Variants in DTNA observed in about 807,000 individuals in gnomAD.
DTNA encodes the protein dystrobrevin alpha.
In DTNA, 43 loss-of-function variants were observed where a neutral mutation model predicts 100.7. That is an observed-to-expected ratio of 0.43 (90% CI 0.33 to 0.55). The LOEUF is 0.55. DTNA is among the 20% of genes least tolerant of loss of function. The pLI is 0.04. For missense variants in DTNA, 798 were observed against 953.9 expected (o/e 0.84, Z 2.15); for synonymous variants, 349 against 347.9 (o/e 1.00, Z -0.04).
intron 1 of DTNA, among the ~76,000 whole-genome samples, chr18:34,642,808 C>T (rs564791269): frequency 3.9e-5 from 6 of 152,226 alleles, no homozygotes; most frequent in South Asian, 2.1e-4. Context: ...CTGTCCACCT[C>T]GACCTCCCAA....
intron 1 of DTNA, among the ~76,000 whole-genome samples, chr18:34,611,187 C>G (rs184793547): frequency 4.1e-4 from 62 of 152,212 alleles, no homozygotes; most frequent in Middle Eastern, 6.8e-3. Flanking sequence ...AAAAAATTCT[C>G]TTGGATCTTA....
At chr18:34,879,777 A>C in intron 20 of DTNA, 58 bp downstream of exon 20, 1 of 1,602,650 alleles carries the variant, frequency 6.2e-7, no homozygotes, top group South Asian at 1.1e-5. Flanking sequence ...GTAGGAGACA[A>C]TAAGAAAGTA....
chr18:34,802,540 T>C (rs1163454164), intron 4 of DTNA, among the ~76,000 whole-genome samples: 2 of 152,352 alleles, frequency 1.3e-5, no homozygotes, highest in East Asian at 3.9e-4. Flanking sequence ...ACTCCTTGCT[T>C]CCTGTGTTAA....
chr18:34,736,242 G>A (rs1438182683), intron 1 of DTNA, among the ~76,000 whole-genome samples: 1 of 152,108 alleles, frequency 6.6e-6, no homozygotes, highest in Non-Finnish European at 1.5e-5. Flanking sequence ...TCCCTAATGA[G>A]TACTCACACA....
At chr18:34,720,165 A>C (rs2084976874) in intron 1 of DTNA, among the ~76,000 whole-genome samples, 1 of 152,136 alleles carries the variant, frequency 6.6e-6, no homozygotes, top group African/African-American at 2.4e-5. Context: ...AAAGTCAAGC[A>C]GGTGGACCCA....
At chr18:34,745,319 A>G (rs1164922239) in intron 1 of DTNA, among the ~76,000 whole-genome samples, 2 of 152,128 alleles carry the variant, frequency 1.3e-5, no homozygotes, top group South Asian at 2.1e-4. Flanking sequence ...CTTTTCCCCA[A>G]TTCTCCTATG....
chr18:34,867,600 AAT>A, intron 17 of DTNA: 1 of 1,029,224 alleles, frequency 9.7e-7, no homozygotes, highest in Non-Finnish European at 1.2e-6. Context: ...AATAAGGTTC[AAT>A]TATAACCTCC....
chr18:34,730,415 C>A lies in DTNA; in HGVS notation c.-2+19970C>A, dbSNP rs539018239. Among the ~76,000 whole-genome samples the A allele has an allele frequency of 1.6e-4, 24 of 152,344 alleles. No individual in the cohort carries two copies. The East Asian group carries it at 1.9e-3, about 12-fold the overall frequency. ...GGGCTCTGATGTGAGAATGGCCAGC[C>A]TGTTCTCTGGTTAGTCTGGAGCTAA... On this transcript the variant is annotated intron_variant, in intron 1 of 22. Coordinates refer to ENST00000444659, the MANE Select transcript of DTNA (RefSeq NM_001386795.1).
At chr18:34,799,263 TG>T (rs1300303871) in intron 4 of DTNA, among the ~76,000 whole-genome samples, 1 of 152,212 alleles carries the variant, frequency 6.6e-6, no homozygotes, top group African/African-American at 2.4e-5. Flanking sequence ...CTGGGCCATT[TG>T]AACACCCATG....
intron 1 of DTNA, among the ~76,000 whole-genome samples, chr18:34,716,198 G>A (rs117874359): frequency 6.6e-6 from 1 of 152,266 alleles, no homozygotes; most frequent in East Asian, 1.9e-4. Flanking sequence ...GACAATAGCA[G>A]TCTGAAAAAG....
At chr18:34,693,489 A>G (rs1030777600) in intron 1 of DTNA, among the ~76,000 whole-genome samples, 2 of 152,180 alleles carry the variant, frequency 1.3e-5, no homozygotes, top group African/African-American at 4.8e-5. Flanking sequence ...CTTCTCTACT[A>G]TACAATAAAC....
At chr18:34,667,319 T>G (rs1047009293) in intron 1 of DTNA, among the ~76,000 whole-genome samples, 6 of 152,220 alleles carry the variant, frequency 3.9e-5, no homozygotes, top group Non-Finnish European at 8.8e-5. Context: ...TAATGAGATT[T>G]GGGGCTGAGA....
intron 1 of DTNA, among the ~76,000 whole-genome samples, chr18:34,564,454 T>A (rs545068720): frequency 3.2e-4 from 49 of 152,332 alleles, no homozygotes; most frequent in African/African-American, 8.7e-4. Context: ...CCCACACTTT[T>A]GAAGGATCTT....
intron 1 of DTNA, among the ~76,000 whole-genome samples, chr18:34,722,812 G>A (rs1231813934): frequency 2.6e-5 from 4 of 152,136 alleles, no homozygotes; most frequent in Admixed American, 6.5e-5. Flanking sequence ...GAATCAGACA[G>A]TACATACTTT....
intron 1 of DTNA, among the ~76,000 whole-genome samples, chr18:34,647,562 C>T (rs910080392): frequency 2.0e-5 from 3 of 152,136 alleles, no homozygotes; most frequent in Non-Finnish European, 4.4e-5. Context: ...AAGAGGAGAA[C>T]AGTCAGTGGT....
chr18:34,542,494 A>G (rs1039246182), intron 1 of DTNA, among the ~76,000 whole-genome samples: 4 of 152,042 alleles, frequency 2.6e-5, no homozygotes, highest in African/African-American at 9.7e-5. Flanking sequence ...ATTAATGACT[A>G]CATAGTAACC....
chr18:34,555,887 C>T (rs539321650), intron 1 of DTNA, among the ~76,000 whole-genome samples: 208 of 152,002 alleles, frequency 1.4e-3, no homozygotes, highest in Non-Finnish European at 2.0e-3. Flanking sequence ...CTATTAGGTC[C>T]GCTTGGTGCA....
intron 1 of DTNA, among the ~76,000 whole-genome samples, chr18:34,596,441 A>C (rs1682278210): frequency 6.6e-6 from 1 of 151,548 alleles, no homozygotes; most frequent in African/African-American, 2.4e-5. Context: ...CTCATCTCGA[A>C]CTCCTGGCCT....
chr18:34,800,543 A>G (rs746945923), intron 4 of DTNA, among the ~76,000 whole-genome samples: 2 of 152,210 alleles, frequency 1.3e-5, no homozygotes, highest in Non-Finnish European at 2.9e-5. Flanking sequence ...CTCTCCGTTA[A>G]TTAAGCCACC....
Sources: gnomAD v4.1 joint callset for allele counts (sites outside exome capture counted in the v4.1 genomes callset) on GRCh38, gnomAD v4.1.1 for gene constraint, MANE v1.5 for transcripts, NCBI Gene and HGNC (gene_info 2026-07-23, HGNC 2026-07-21) for gene names.